PBRM1: variants seen among roughly 807,000 people sequenced by gnomAD.
The protein encoded by PBRM1 is protein polybromo-1.
Under a neutral mutation model 194.5 loss-of-function variants are expected in PBRM1, and 27 were observed. That is an observed-to-expected ratio of 0.14 (90% CI 0.10 to 0.19). The LOEUF (loss-of-function observed/expected upper bound fraction) is 0.19. Ranked by LOEUF, PBRM1 falls within the 10% of genes least tolerant of loss-of-function variation. PBRM1 has a pLI of 1.00. For synonymous variants in PBRM1, 655 were observed against 693.2 expected, an observed-to-expected ratio of 0.94 and a Z score of 0.87; for missense variants, 1,466 against 2,077.2, an observed-to-expected ratio of 0.71 and a Z score of 5.72.
chr3:52,576,822 T>G, intron 21 of PBRM1, 124 bp from the exon 24 acceptor site: 1 of 565,878 alleles, frequency 1.8e-6, no homozygotes, highest in Non-Finnish European at 3.0e-6. Context: ...CACTGGCTGT[T>G]TTGGTAAGAC....
At chr3:52,561,261 C>T (rs1669047271) in intron 25 of PBRM1, among the ~76,000 whole-genome samples, 1 of 152,024 alleles carries the variant, frequency 6.6e-6, no homozygotes, top group South Asian at 2.1e-4. Flanking sequence ...GACCCAAATA[C>T]CTTAGAAGTA....
exon 24 of PBRM1, chr3:52,563,420 C>T: frequency 6.2e-7 from 1 of 1,613,978 alleles, no homozygotes; most frequent in East Asian, 2.2e-5. Context: ...TCTAACTCGG[C>T]AAATTTAGCT....
At chr3:52,557,148 C>T (rs2082393091) in intron 26 of PBRM1, among the ~76,000 whole-genome samples, 1 of 152,130 alleles carries the variant, frequency 6.6e-6, no homozygotes, top group East Asian at 1.9e-4. Context: ...TGGAATAGAG[C>T]AGGCGATTAT....
At chr3:52,645,932 A>C (rs2096277770) in intron 7 of PBRM1, among the ~76,000 whole-genome samples, 1 of 152,240 alleles carries the variant, frequency 6.6e-6, no homozygotes, top group Non-Finnish European at 1.5e-5. Flanking sequence ...GACTACGGAC[A>C]ACTAACTCTA....
chr3:52,642,608 CAAAAA>C (rs201394004), intron 9 of PBRM1, among the ~76,000 whole-genome samples: 1 of 97,518 alleles, frequency 1.0e-5, no homozygotes, highest in Admixed American at 1.1e-4. Context: ...AACTTCGTCT[CAAAAA>C]AAAAAAAAAA....
exon 22 of PBRM1, chr3:52,576,597 T>C (rs775669754): frequency 1.9e-6 from 3 of 1,611,168 alleles, no homozygotes; most frequent in Non-Finnish European, 2.5e-6. Flanking sequence ...TACTTCTTTT[T>C]TGTAGAACAT....
Position 52,563,631 on chromosome 3 carries a change from T to A in PBRM1, c.3876-138A>T, listed in dbSNP as rs1030671830. ...TGCTCTAAAGGCAGCATGGAAAGAGTTTAAATGTGTATTTATGAAATTACT... is the reference window on the plus strand; with the variant it reads ...TGCTCTAAAGGCAGCATGGAAAGAGATTAAATGTGTATTTATGAAATTACT... On this transcript the variant is annotated intron_variant, in intron 23 of 29. Coordinates refer to ENST00000296302, the Ensembl canonical transcript of PBRM1. 1.8e-5 allele frequency: 11 copies of A among 621,754 alleles called. No homozygotes were observed. In the African/African-American group the frequency reaches 1.8e-4, roughly 10 times the overall value. The allele number at this position is 621,754 out of a possible 1,614,324, so 38.5% of individuals were successfully genotyped here.
chr3:52,678,235 G>C (rs2097146036), intron 2 of PBRM1, among the ~76,000 whole-genome samples: 1 of 152,178 alleles, frequency 6.6e-6, no homozygotes, highest in South Asian at 2.1e-4. Flanking sequence ...CCATGTAGCT[G>C]GGATTACAAG....
intron 24 of PBRM1, 139 bp downstream of exon 26, chr3:52,563,144 G>A: frequency 1.9e-6 from 1 of 524,344 alleles, no homozygotes. Flanking sequence ...TCATGGCACT[G>A]ACAAAATCTG....
rs1421691916 is a variant in PBRM1 at position 52,679,549 on chromosome 3, AAACCATGTAATC to A, written c.138+13_138+24del. Reference sequence around the variant, plus strand: ...GGGGAATTGTGGGAAGAGCAGGCAGAAACCATGTAATCCAAGTTACTCACAGGATCTACAGTT... The same window carrying A: ...GGGGAATTGTGGGAAGAGCAGGCAGACAAGTTACTCACAGGATCTACAGTT... On this transcript the variant is annotated intron_variant, in intron 1 of 29. Transcript: ENST00000296302. 1.2e-6 allele frequency: 2 copies of A among 1,606,020 alleles called. No homozygotes were observed. Among genetic ancestry groups the A allele is most frequent in the Admixed American group, 3.4e-5 (2 of 58,854 alleles).
At chr3:52,590,115 G>A (rs896637888) in intron 17 of PBRM1, among the ~76,000 whole-genome samples, 3 of 151,818 alleles carry the variant, frequency 2.0e-5, no homozygotes, top group African/African-American at 7.3e-5. Flanking sequence ...GTGAGCCACC[G>A]CGCCCAGATG....
chr3:52,626,505 G>A (rs1226664097), intron 13 of PBRM1, among the ~76,000 whole-genome samples: 1 of 152,106 alleles, frequency 6.6e-6, no homozygotes, highest in Non-Finnish European at 1.5e-5. Flanking sequence ...ATTCCTTATT[G>A]AAGGTATCTT....
At chr3:52,611,367 C>G (rs2153437186) in intron 15 of PBRM1, among the ~76,000 whole-genome samples, 1 of 152,304 alleles carries the variant, frequency 6.6e-6, no homozygotes. Flanking sequence ...TTCACATGTA[C>G]CTGATGGAAG....
intron 11 of PBRM1, among the ~76,000 whole-genome samples, chr3:52,629,677 CATT>C (rs1283385974): frequency 1.3e-5 from 2 of 152,156 alleles, no homozygotes; most frequent in African/African-American, 4.8e-5. Flanking sequence ...TAAACACAAT[CATT>C]ATTATTGTAT....
intron 12 of PBRM1, 62 bp from the exon 14 acceptor site, chr3:52,627,432 A>G: frequency 2.1e-6 from 2 of 940,522 alleles, no homozygotes; most frequent in Non-Finnish European, 3.5e-6. Flanking sequence ...GAATATATGA[A>G]TGTTAAAGAG....
chr3:52,618,096 A>G (rs1334597576), intron 13 of PBRM1, among the ~76,000 whole-genome samples: 1 of 152,222 alleles, frequency 6.6e-6, no homozygotes, highest in Non-Finnish European at 1.5e-5. Context: ...CCTCTCTTGC[A>G]TTGATTCTGT....
chr3:52,557,712 T>G (rs1050814792), intron 26 of PBRM1, among the ~76,000 whole-genome samples: 1 of 152,048 alleles, frequency 6.6e-6, no homozygotes, highest in African/African-American at 2.4e-5. Flanking sequence ...GTGGGCACAA[T>G]GAATTGAATA....
intron 22 of PBRM1, among the ~76,000 whole-genome samples, chr3:52,569,887 TTC>T (rs2086493152): frequency 1.3e-5 from 2 of 152,240 alleles, no homozygotes. Context: ...TATTTTAGAC[TTC>T]TGTTTCTTCT....
intron 22 of PBRM1, among the ~76,000 whole-genome samples, chr3:52,569,674 C>G (rs2086430432): frequency 6.6e-6 from 1 of 152,180 alleles, no homozygotes; most frequent in East Asian, 1.9e-4. Context: ...GCAATTTGTT[C>G]AAGCATTCAT....
Sources: allele counts gnomAD v4.1 joint callset (sites outside exome capture counted in the v4.1 genomes callset), GRCh38; gene constraint gnomAD v4.1.1; transcripts MANE v1.5; gene names NCBI Gene and HGNC (gene_info 2026-07-23, HGNC 2026-07-21).